Variants in USH1C observed in about 807,000 individuals in gnomAD.
USH1C encodes the protein USH1 protein network component harmonin, also known as harmonin.
A neutral mutation model predicts 119.3 loss-of-function variants in USH1C; 90 were observed. The observed-to-expected ratio is 0.75, with a 90% CI of 0.64 to 0.90. The LOEUF is 0.90. Ranked by LOEUF, USH1C falls within the 40% of genes least tolerant of loss-of-function variation. The probability of loss-of-function intolerance (pLI) is 0.00; values close to 1 mark genes in which losing one functional copy is unlikely to be tolerated. For synonymous variants in USH1C, 465 were observed against 443.3 expected, an observed-to-expected ratio of 1.05 and a Z score of -0.62; for missense variants, 1,165 against 1,167.7, an observed-to-expected ratio of 1.00 and a Z score of 0.03.
chr11:17,527,463 C>T, intron 4 of USH1C, 132 bp from the exon 5 acceptor site: 1 of 771,526 alleles, frequency 1.3e-6, no homozygotes, highest in African/African-American at 1.7e-5. Context: ...TGGAATAAGC[C>T]TTGATCTCAA....
intron 15 of USH1C, among the ~76,000 whole-genome samples, chr11:17,512,914 C>A (rs61880340): frequency 1.3e-5 from 2 of 152,130 alleles, no homozygotes; most frequent in African/African-American, 2.4e-5. Flanking sequence ...TTAGACCCAC[C>A]GAGCCTGCAT....
chr11:17,522,118 C>T (rs1379723652), intron 12 of USH1C, among the ~76,000 whole-genome samples: 1 of 152,208 alleles, frequency 6.6e-6, no homozygotes, highest in Non-Finnish European at 1.5e-5. Flanking sequence ...AGGCGTGAGT[C>T]ACTGCGTCCA....
chr11:17,500,999 C>T (rs939466677), intron 23 of USH1C, 52 bp downstream of exon 23: 23 of 1,520,614 alleles, frequency 1.5e-5, no homozygotes, highest in African/African-American at 1.1e-4. Flanking sequence ...GGGAGGGCCC[C>T]GTCTAACCAC....
At chr11:17,508,354 T>A (rs188771005) in intron 18 of USH1C, among the ~76,000 whole-genome samples, 23 of 152,320 alleles carry the variant, frequency 1.5e-4, no homozygotes, top group Admixed American at 1.3e-3. Flanking sequence ...CCCACCTTCC[T>A]TGTAAGCTCT....
In USH1C at chr11:17,537,287, A is replaced by G. The variant is rs534243955; in HGVS notation, c.37-3965T>C. Reference sequence around the variant, plus strand: ...ATCAGTTTTGGGGAGCCCCTGCTCTAGGGTGCTTTGTACCATTGTCCCAGT... The same window carrying G: ...ATCAGTTTTGGGGAGCCCCTGCTCTGGGGTGCTTTGTACCATTGTCCCAGT... On this transcript the variant is annotated intron_variant, in intron 1 of 26. Coordinates refer to ENST00000005226, the MANE Select transcript of USH1C (RefSeq NM_153676.4). Among the ~76,000 whole-genome samples the G allele has an allele frequency of 3.3e-5, 5 of 152,310 alleles. No homozygotes were observed. In the East Asian group the frequency reaches 9.6e-4, roughly 29 times the overall value.
At position 17,533,271 on chromosome 11, in the gene USH1C, G is replaced by T; in HGVS notation, c.88C>A (p.Leu30Met). Residue 30 changes from leucine to methionine, a missense_variant, in exon 2 of 27, where the codon CTG becomes ATG. Leu to Met is a conservative substitution (Grantham distance 15, BLOSUM62 2). Coordinates refer to ENST00000005226, the MANE Select transcript of USH1C (RefSeq NM_153676.4). ...DAEKDYLYDV[L>M]RMYHQTMDVA... ...CACACTTACTGGTGGTACATTCGCAGCACATCATAGAGATAGTCCTTCTCT... is the reference window on the plus strand; with the variant it reads ...CACACTTACTGGTGGTACATTCGCATCACATCATAGAGATAGTCCTTCTCT... The T allele has an allele frequency of 6.2e-7, 1 of 1,613,774 alleles. No individual in the cohort carries two copies. Among genetic ancestry groups the T allele is most frequent in the Non-Finnish European group, 8.5e-7 (1 of 1,179,792 alleles).
Position 17,531,085 on chromosome 11 carries a change from T to C in USH1C, c.387+69A>G. ...GACCATGTTGTGCCACACAGCCTAG[T>C]GGATGAATGAGGGGGAGGCAGGAGG... On this transcript the variant is annotated intron_variant, in intron 4 of 26. Transcript: ENST00000005226. The surrounding 1 kb of genome is among the most constrained non-coding windows in gnomAD (Gnocchi z 4.2). 1 of 1,610,216 alleles carries C rather than the reference T, an allele frequency of 6.2e-7. No homozygotes were observed. The highest frequency in any genetic ancestry group is 8.5e-7 in the Non-Finnish European group (1 of 1,178,750).
At position 17,509,562 on chromosome 11, in the gene USH1C, T is replaced by C. The variant is rs372662731; in HGVS notation, c.1807A>G (p.Ile603Val). The change falls in exon 18 of 27, where the codon ATT (isoleucine) becomes GTT (valine). Residue 603 changes from isoleucine (I) to valine (V), a missense_variant. Transcript: ENST00000005226. ...ACGGATGGCGGGGGAGGGATGGGAA[T>C]GGGGGGTGGAGTGCGCTGCACCCAT... is the stretch of plus-strand genomic sequence containing the variant. Reference protein sequence around the residue: ...SPWVQRTPPPIPIPPPPSVPT... With the variant: ...SPWVQRTPPPVPIPPPPSVPT... 1 of 1,097,282 alleles carries C rather than the reference T, an allele frequency of 9.1e-7. No homozygotes were observed. The highest frequency in any genetic ancestry group is 2.4e-5 in the African/African-American group (1 of 42,482). 68.0% of individuals were successfully genotyped at this position (1,097,282 alleles called of 1,614,324 possible).
intron 1 of USH1C, among the ~76,000 whole-genome samples, chr11:17,540,586 G>A (rs779579481): frequency 1.2e-4 from 19 of 152,088 alleles, no homozygotes; most frequent in Non-Finnish European, 2.5e-4. Context: ...TACAGCATTC[G>A]AAGTGGAACG....
At chr11:17,497,022 A>G in intron 24 of USH1C, 2 of 553,980 alleles carry the variant, frequency 3.6e-6, no homozygotes, top group Admixed American at 3.2e-5. Flanking sequence ...ACAGGGCTGC[A>G]AGGCCCTTGA....
chr11:17,521,146 A>C, intron 13 of USH1C, 152 bp from the exon 14 acceptor site: 1 of 1,174,926 alleles, frequency 8.5e-7, no homozygotes, highest in South Asian at 1.3e-5. Flanking sequence ...TTCTAAATTG[A>C]GTGTGAACCC....
chr11:17,538,172 T>C (rs1407182076), intron 1 of USH1C, among the ~76,000 whole-genome samples: 1 of 152,172 alleles, frequency 6.6e-6, no homozygotes, highest in Non-Finnish European at 1.5e-5. Flanking sequence ...GGGATCTCTA[T>C]TATCATCCCT....
At chr11:17,526,939 G>A in intron 6 of USH1C, 77 bp downstream of exon 6, 5 of 1,567,190 alleles carry the variant, frequency 3.2e-6, no homozygotes, top group South Asian at 2.3e-5. Flanking sequence ...CTGGCATGGT[G>A]GGAGCCGGAC....
chr11:17,511,610 C>A (rs1314678076), intron 16 of USH1C, among the ~76,000 whole-genome samples: 1 of 152,146 alleles, frequency 6.6e-6, no homozygotes. Context: ...AAAGGCTAAC[C>A]TCAGACTCAC....
Position 17,517,535 on chromosome 11 carries a change from C to A in USH1C, c.1211-1245G>T, listed in dbSNP as rs776577854. 5 of 1,512,068 alleles carry A rather than the reference C, an allele frequency of 3.3e-6. No individual in the cohort carries two copies. The African/African-American group carries it at 6.9e-5, about 21-fold the overall frequency. The allele number at this position is 1,512,068 out of a possible 1,614,324, so 93.7% of individuals were successfully genotyped here. A position where few individuals can be genotyped will look rare whatever the true frequency, so the allele number is the denominator to read the frequency against. ...AAAGGGACTTGGGAGCCCAAGAGGC[C>A]GGAGAACCTTCTCAGGAGTTTGGGG... On this transcript the variant is annotated intron_variant, in intron 14 of 26. Transcript: ENST00000005226.
chr11:17,495,740 A>T (rs1245975210), intron 25 of USH1C, 63 bp from the exon 26 acceptor site: 3 of 1,554,622 alleles, frequency 1.9e-6, no homozygotes, highest in African/African-American at 2.7e-5. Context: ...GCAGAGCTCC[A>T]TGGGGCTTCT....
At chr11:17,533,192 C>T in intron 2 of USH1C, 63 bp downstream of exon 2, 1 of 1,327,960 alleles carries the variant, frequency 7.5e-7, no homozygotes, top group South Asian at 1.2e-5. Context: ...ACAACCCATC[C>T]CAGGGCTCCC....
At chr11:17,535,127 G>A (rs894382249) in intron 1 of USH1C, among the ~76,000 whole-genome samples, 2 of 152,154 alleles carry the variant, frequency 1.3e-5, no homozygotes, top group Non-Finnish European at 2.9e-5. Context: ...AGCAGCAGGG[G>A]CGAGAAATAT....
At chr11:17,522,473 G>A (rs373412791) in intron 12 of USH1C, among the ~76,000 whole-genome samples, 1 of 152,224 alleles carries the variant, frequency 6.6e-6, no homozygotes, top group East Asian at 1.9e-4. Context: ...CAGCCTTATG[G>A]AGGTACTTGA....
Sources: allele counts gnomAD v4.1 joint callset (sites outside exome capture counted in the v4.1 genomes callset), GRCh38; gene constraint gnomAD v4.1.1; non-coding constraint Gnocchi (gnomAD v3.1); transcripts MANE v1.5; gene names NCBI Gene and HGNC (gene_info 2026-07-23, HGNC 2026-07-21).